EPHB1: variants seen among roughly 807,000 people sequenced by gnomAD.
The protein encoded by EPHB1 is EPH receptor B1.
EPHB1 carries 30 observed loss-of-function variants against 94.4 expected under a neutral mutation model. That is an observed-to-expected ratio of 0.32 (90% CI 0.24 to 0.43). EPHB1 has a LOEUF of 0.43. EPHB1 is among the 20% of genes least tolerant of loss of function. The probability of loss-of-function intolerance (pLI) is 1.00; values close to 1 mark genes in which losing one functional copy is unlikely to be tolerated. For missense variants in EPHB1, 1,055 were observed against 1,308.3 expected (o/e 0.81, Z 2.99); for synonymous variants, 522 against 489.1 (o/e 1.07, Z -0.89).
intron 12 of EPHB1, among the ~76,000 whole-genome samples, chr3:135,217,181 A>G (rs34893411): frequency 0.24 from 36,185 of 151,930 alleles, 4,705 homozygotes; most frequent in Non-Finnish European, 0.29. Flanking sequence ...TGGCTTTGAC[A>G]CAGCCAAGAT....
At chr3:135,154,298 G>A in intron 6 of EPHB1, 22 bp downstream of exon 6, 1 of 1,613,588 alleles carries the variant, frequency 6.2e-7, no homozygotes, top group Admixed American at 1.7e-5. Flanking sequence ...CTACCTGCAA[G>A]CTTGCAAGAC....
intron 3 of EPHB1, among the ~76,000 whole-genome samples, chr3:135,082,675 G>T (rs573410816): frequency 4.6e-5 from 7 of 152,348 alleles, no homozygotes; most frequent in Non-Finnish European, 1.0e-4. Context: ...AGAGATGGGA[G>T]AGAAGGACAC....
At chr3:135,120,361 T>C (rs1939901038) in intron 4 of EPHB1, among the ~76,000 whole-genome samples, 1 of 152,130 alleles carries the variant, frequency 6.6e-6, no homozygotes. Context: ...TGTGAATAAA[T>C]AATTTTTTAT....
At chr3:135,111,592 C>T (rs1056134135) in intron 4 of EPHB1, among the ~76,000 whole-genome samples, 4 of 152,074 alleles carry the variant, frequency 2.6e-5, no homozygotes, top group South Asian at 4.1e-4. Flanking sequence ...AATGTACGAG[C>T]GCATCTGTGT....
chr3:135,215,640 C>T (rs1033132980), intron 12 of EPHB1, among the ~76,000 whole-genome samples: 1 of 152,188 alleles, frequency 6.6e-6, no homozygotes, highest in African/African-American at 2.4e-5. Context: ...TCTGAGGAAA[C>T]CCTGTCAAGA....
chr3:134,829,734 A>T (rs927484896), intron 1 of EPHB1, among the ~76,000 whole-genome samples: 1 of 152,176 alleles, frequency 6.6e-6, no homozygotes, highest in Non-Finnish European at 1.5e-5. Flanking sequence ...TAAGCAGTTA[A>T]ATTAAGATGA....
intron 3 of EPHB1, among the ~76,000 whole-genome samples, chr3:134,991,268 C>T (rs1934785800): frequency 6.6e-6 from 1 of 152,140 alleles, no homozygotes; most frequent in Non-Finnish European, 1.5e-5. Context: ...GATATGTCTC[C>T]TATCTCCCTT....
chr3:134,795,336 G>C lies in EPHB1; in HGVS notation c.-296G>C, dbSNP rs1198324072. ...CACCAGGACGCACTCGCTCTCGCGC[G>C]CTCTCCCAGGCTCGTTCTCCCTCGC... On this transcript the variant is annotated 5_prime_UTR_variant, in exon 1 of 16. Transcript: ENST00000398015. 2 of 482,696 alleles carry C rather than the reference G, an allele frequency of 4.1e-6. No homozygotes were observed. Among genetic ancestry groups the C allele is most frequent in the Non-Finnish European group, 7.3e-6 (2 of 274,790 alleles). The allele number at this position is 482,696 out of a possible 1,614,324, so 29.9% of individuals were successfully genotyped here.
At chr3:135,209,822 AG>A in intron 12 of EPHB1, among the ~76,000 whole-genome samples, 1 of 152,174 alleles carries the variant, frequency 6.6e-6, no homozygotes, top group Non-Finnish European at 1.5e-5. Context: ...TGCAGCATGG[AG>A]GATGGGTGGG....
intron 3 of EPHB1, among the ~76,000 whole-genome samples, chr3:135,082,395 CTGAG>C (rs1334432751): frequency 6.6e-6 from 1 of 152,212 alleles, no homozygotes; most frequent in Non-Finnish European, 1.5e-5. Flanking sequence ...ACTAACTCTT[CTGAG>C]TACTTGCCAT....
At chr3:134,982,843 A>G (rs1259567268) in intron 3 of EPHB1, among the ~76,000 whole-genome samples, 1 of 152,154 alleles carries the variant, frequency 6.6e-6, no homozygotes, top group Non-Finnish European at 1.5e-5. Flanking sequence ...TGAATATAGC[A>G]ATTATGGCTA....
intron 1 of EPHB1, among the ~76,000 whole-genome samples, chr3:134,833,866 T>A (rs1017317134): frequency 2.0e-5 from 3 of 152,196 alleles, no homozygotes; most frequent in African/African-American, 7.2e-5. Context: ...TGGAGCACCA[T>A]GTGCTGTTAG....
chr3:135,199,315 A>G (rs2107712284), intron 11 of EPHB1, among the ~76,000 whole-genome samples: 1 of 152,346 alleles, frequency 6.6e-6, no homozygotes, highest in South Asian at 2.1e-4. Flanking sequence ...GCAAATCCCC[A>G]GAGACCTACT....
intron 1 of EPHB1, among the ~76,000 whole-genome samples, chr3:134,835,902 T>G (rs925443778): frequency 2.6e-5 from 4 of 152,224 alleles, no homozygotes; most frequent in Non-Finnish European, 5.9e-5. Flanking sequence ...GGTCATAGAT[T>G]GGAGGCTTCA....
chr3:135,003,704 C>T (rs1935275368), intron 3 of EPHB1, among the ~76,000 whole-genome samples: 1 of 152,040 alleles, frequency 6.6e-6, no homozygotes, highest in African/African-American at 2.4e-5. Context: ...ATCCCTTTAC[C>T]ATTATGTAAT....
chr3:135,007,570 C>T (rs1230158072), intron 3 of EPHB1, among the ~76,000 whole-genome samples: 1 of 152,146 alleles, frequency 6.6e-6, no homozygotes, highest in Non-Finnish European at 1.5e-5. Flanking sequence ...GTGAGTGGGC[C>T]TTTTCTGGGA....
chr3:134,956,579 G>T (rs771222062), intron 3 of EPHB1, among the ~76,000 whole-genome samples: 1 of 152,088 alleles, frequency 6.6e-6, no homozygotes, highest in Non-Finnish European at 1.5e-5. Context: ...AAAGAGGAAG[G>T]GGGTATGCTT....
At chr3:135,126,855 G>A (rs919620858) in intron 4 of EPHB1, among the ~76,000 whole-genome samples, 6 of 152,108 alleles carry the variant, frequency 3.9e-5, no homozygotes, top group South Asian at 2.1e-4. Flanking sequence ...ATGACCTCAC[G>A]GCTTTCACAG....
At chr3:134,892,555 C>T (rs1238860996) in intron 1 of EPHB1, among the ~76,000 whole-genome samples, 1 of 152,170 alleles carries the variant, frequency 6.6e-6, no homozygotes, top group Non-Finnish European at 1.5e-5. Flanking sequence ...CCTAGGTGAC[C>T]CCTCAGGGGA....
Sources: gnomAD v4.1 joint callset for allele counts (sites outside exome capture counted in the v4.1 genomes callset) on GRCh38, gnomAD v4.1.1 for gene constraint, MANE v1.5 for transcripts, NCBI Gene and HGNC (gene_info 2026-07-23, HGNC 2026-07-21) for gene names.